The following PDE7B variants were observed in gnomAD, a reference collection of about 807,000 sequenced individuals.
PDE7B encodes 3',5'-cyclic-AMP phosphodiesterase 7B.
Under a neutral mutation model 56.2 loss-of-function variants are expected in PDE7B, and 29 were observed. That is an observed-to-expected ratio of 0.52 (90% confidence interval 0.38 to 0.70). The LOEUF (loss-of-function observed/expected upper bound fraction) is 0.70, where lower values mean the gene tolerates loss of function less well. Ranked by LOEUF, PDE7B falls within the 30% of genes least tolerant of loss-of-function variation. The pLI, the probability that PDE7B is intolerant of heterozygous loss-of-function variation, is 0.00. For missense variants in PDE7B, 490 were observed against 565.0 expected (o/e 0.87, Z 1.35); for synonymous variants, 197 against 196.9 (o/e 1.00, Z 0.00).
chr6:136,106,595 C>T (rs181994646), intron 2 of PDE7B, among the ~76,000 whole-genome samples: 8 of 152,260 alleles, frequency 5.3e-5, no homozygotes, highest in East Asian at 1.9e-4. Flanking sequence ...GACTACAGAG[C>T]GAATAGTAGT....
intron 8 of PDE7B, among the ~76,000 whole-genome samples, chr6:136,171,906 C>A (rs374437097): frequency 4.6e-4 from 69 of 150,422 alleles, no homozygotes; most frequent in African/African-American, 1.5e-3. Flanking sequence ...TTTGTTCTTG[C>A]GATAGTTTAC....
chr6:136,092,669 G>A (rs1382987591), intron 2 of PDE7B, among the ~76,000 whole-genome samples: 1 of 152,164 alleles, frequency 6.6e-6, no homozygotes, highest in Non-Finnish European at 1.5e-5. Flanking sequence ...GCTGAGGCAG[G>A]AGAATCGCTT....
chr6:135,963,007 A>G (rs1379098463), intron 2 of PDE7B, among the ~76,000 whole-genome samples: 3 of 152,222 alleles, frequency 2.0e-5, no homozygotes, highest in Non-Finnish European at 4.4e-5. Flanking sequence ...CAACACACTA[A>G]GAGTCTGTTG....
chr6:135,916,360 T>C (rs527997187), intron 1 of PDE7B, among the ~76,000 whole-genome samples: 1 of 150,130 alleles, frequency 6.7e-6, no homozygotes, highest in Non-Finnish European at 1.5e-5. Context: ...CTCAAGTCTT[T>C]TGCCCTTTTT....
intron 8 of PDE7B, among the ~76,000 whole-genome samples, chr6:136,172,124 A>G (rs992519225): frequency 7.2e-5 from 11 of 152,184 alleles, no homozygotes; most frequent in African/African-American, 2.7e-4. Flanking sequence ...TTATAGCAGC[A>G]TGATTTGTAG....
At chr6:136,183,496 TGAGGCAGGAGAATGGCATGAACCCGG>T (rs1235504373) in intron 11 of PDE7B, among the ~76,000 whole-genome samples, 1 of 147,508 alleles carries the variant, frequency 6.8e-6, no homozygotes, top group Non-Finnish European at 1.5e-5. Flanking sequence ...CTTGGGAGGC[TGAGGCAGGAGAATGGCATGAACCCGG>T]GAGGCAGAGC....
chr6:136,122,347 CA>C (rs1342254845), intron 3 of PDE7B, among the ~76,000 whole-genome samples: 1 of 152,126 alleles, frequency 6.6e-6, no homozygotes, highest in Non-Finnish European at 1.5e-5. Context: ...TGAGTATAGA[CA>C]AACGCATTTT....
chr6:135,972,853 A>G (rs920684232), intron 2 of PDE7B, among the ~76,000 whole-genome samples: 7 of 152,182 alleles, frequency 4.6e-5, no homozygotes, highest in Admixed American at 2.6e-4. Context: ...GGGTGTGAGG[A>G]GAGAACAATT....
chr6:136,132,878 C>T lies in PDE7B; in HGVS notation c.167-14473C>T, dbSNP rs559136870. 6.6e-5 allele frequency among the ~76,000 whole-genome samples: 10 copies of T among 152,254 alleles called. No individual in the cohort carries two copies. In the East Asian group the frequency reaches 1.7e-3, roughly 26 times the overall value. On this transcript the variant is annotated intron_variant, in intron 3 of 12. Coordinates refer to ENST00000308191, the MANE Select transcript of PDE7B (RefSeq NM_018945.4). ...AACCTGCTTCCTTAAGAGTGTCCTG[C>T]ACCAAGAATACAGACATGATTAGTC...
chr6:136,069,665 CACTT>C (rs1471916208), intron 2 of PDE7B, among the ~76,000 whole-genome samples: 1 of 152,116 alleles, frequency 6.6e-6, no homozygotes, highest in Non-Finnish European at 1.5e-5. Flanking sequence ...CTTTTTTAAA[CACTT>C]AGTTCTATAA....
intron 2 of PDE7B, among the ~76,000 whole-genome samples, chr6:136,000,926 G>T (rs1334922225): frequency 1.3e-5 from 2 of 152,162 alleles, no homozygotes; most frequent in Admixed American, 6.5e-5. Flanking sequence ...TGACCCCTGA[G>T]CAGCCTAACT....
intron 1 of PDE7B, among the ~76,000 whole-genome samples, chr6:135,924,982 T>G (rs1470083679): frequency 6.2e-5 from 9 of 144,948 alleles, no homozygotes; most frequent in Non-Finnish European, 1.3e-4. Flanking sequence ...CACACTGTAT[T>G]TCTATATTTG....
intron 2 of PDE7B, among the ~76,000 whole-genome samples, chr6:136,033,342 A>G (rs1776272753): frequency 6.6e-6 from 1 of 152,244 alleles, no homozygotes; most frequent in Admixed American, 6.5e-5. Context: ...GTGTGATGTT[A>G]GCTGAAATCC....
intron 1 of PDE7B, among the ~76,000 whole-genome samples, chr6:135,864,886 C>T (rs1309226616): frequency 6.6e-6 from 1 of 151,772 alleles, no homozygotes; most frequent in Non-Finnish European, 1.5e-5. Flanking sequence ...TGGTGTGCCG[C>T]ACCCATTAAC....
chr6:136,186,319 T>C (rs1779144571), intron 11 of PDE7B, among the ~76,000 whole-genome samples: 1 of 152,028 alleles, frequency 6.6e-6, no homozygotes, highest in South Asian at 2.1e-4. Context: ...TCCAAGCTAC[T>C]TGGGAGGCTA....
chr6:135,894,966 T>C (rs1236843682), intron 1 of PDE7B, among the ~76,000 whole-genome samples: 1 of 152,160 alleles, frequency 6.6e-6, no homozygotes, highest in Non-Finnish European at 1.5e-5. Context: ...TTGGATAATT[T>C]GATCAAATGC....
chr6:136,176,467 A>G (rs1778978478), intron 9 of PDE7B, among the ~76,000 whole-genome samples: 1 of 152,100 alleles, frequency 6.6e-6, no homozygotes, highest in African/African-American at 2.4e-5. Context: ...CAATTACTAT[A>G]GCTGTACATT....
chr6:136,078,869 G>C (rs1777162590), intron 2 of PDE7B, among the ~76,000 whole-genome samples: 1 of 152,080 alleles, frequency 6.6e-6, no homozygotes, highest in African/African-American at 2.4e-5. Context: ...AAATAAACCA[G>C]AAAAGTCTAA....
chr6:135,857,024 T>TCCTCCTTC (rs1283652988), intron 1 of PDE7B, among the ~76,000 whole-genome samples: 1 of 127,596 alleles, frequency 7.8e-6, no homozygotes. Flanking sequence ...TTACTCCTTT[T>TCCTCCTTC]CCTCCCTCCC....
Sources: allele counts gnomAD v4.1 joint callset (sites outside exome capture counted in the v4.1 genomes callset), GRCh38; gene constraint gnomAD v4.1.1; transcripts MANE v1.5; gene names NCBI Gene and HGNC (gene_info 2026-07-23, HGNC 2026-07-21).